Variants in C1QTNF5 observed in about 807,000 individuals in gnomAD.
C1QTNF5 encodes the protein C1q and TNF related 5.
A neutral mutation model predicts 10.9 loss-of-function variants in C1QTNF5; 5 were observed. The ratio of observed to expected loss-of-function variants is 0.46; its 90% CI spans 0.24 to 0.97. C1QTNF5 has a LOEUF of 0.97. Ranked by LOEUF, C1QTNF5 falls within the 50% of genes least tolerant of loss-of-function variation. The pLI is 0.19. For missense variants in C1QTNF5, 281 were observed against 339.4 expected (o/e 0.83, Z 1.35); for synonymous variants, 161 against 156.5 (o/e 1.03, Z -0.22).
chr11:119,345,748 C>CG (rs1950558251), upstream of C1QTNF5: 6 of 1,613,266 alleles, frequency 3.7e-6, no homozygotes, highest in Admixed American at 1.0e-4. Context: ...GCCCTTCTCC[C>CG]GGAAGATCTG....
At chr11:119,346,544 C>T in the C1QTNF5 span, 945,204 of 1,611,446 alleles carry the variant, frequency 0.59, 278,721 homozygotes, top group East Asian at 0.74. Context: ...TTTCTGGAGT[C>T]CCTGTGACAG....
the C1QTNF5 span, chr11:119,346,481 C>CA: frequency 5.6e-6 from 9 of 1,614,140 alleles, no homozygotes; most frequent in Non-Finnish European, 7.6e-6. Context: ...CTGTTGCCTC[C>CA]ATGCAGAGGA....
At chr11:119,344,641 T>C, upstream of C1QTNF5, 1 of 1,613,936 alleles carries the variant, frequency 6.2e-7, no homozygotes, top group South Asian at 1.1e-5. Context: ...CCCGAGAACT[T>C]GGCACTGCAA....
At chr11:119,343,987 C>A (rs1186119462), upstream of C1QTNF5, 1 of 1,609,854 alleles carries the variant, frequency 6.2e-7, no homozygotes, top group Non-Finnish European at 8.5e-7. Context: ...ATAGGTGGAG[C>A]AATTCATGGC....
chr11:119,339,159 C>T lies in C1QTNF5; in HGVS notation c.*172G>A, dbSNP rs1950469443. 2 of 718,058 alleles carry T rather than the reference C, an allele frequency of 2.8e-6. No homozygotes were observed. The highest frequency in any genetic ancestry group is 2.9e-5 in the Admixed American group (1 of 34,226). The allele number at this position is 718,058 out of a possible 1,614,324, so 44.5% of individuals were successfully genotyped here. A position where few individuals can be genotyped will look rare whatever the true frequency, so the allele number is the denominator to read the frequency against. On this transcript the variant is annotated 3_prime_UTR_variant, in exon 3 of 3. Coordinates refer to ENST00000528368, the MANE Select transcript of C1QTNF5 (RefSeq NM_001278431.2). The surrounding 1 kb of genome is among the most constrained non-coding windows in gnomAD (Gnocchi z 5.4). ...ACTGCCCCATGCTGCCAGACCTGAT[C>T]GCAGACAGCCACTGTTCCCATTCCT...
At chr11:119,346,319 G>A in the C1QTNF5 span, 117 of 1,613,994 alleles carry the variant, frequency 7.2e-5, no homozygotes, top group African/African-American at 5.1e-4. Flanking sequence ...TGGGAAAACT[G>A]GGGGAGGGCA....
chr11:119,339,493 C>T lies in C1QTNF5; in HGVS notation c.570G>A (p.Ser190=). ...GCCTCACCATGGCCCCCCCCGAGAG[C>T]GAGGCTGGCTTGGGCCACCCCCCGA... ...QFFGGWPKPA[S]LSGGAMVRLE... is the part of the protein sequence containing the mutation. The change falls in exon 3 of 3, where the codon TCG becomes TCA. Residue 190 remains serine, a synonymous_variant. Transcript: ENST00000528368. The surrounding 1 kb of genome is among the most constrained non-coding windows in gnomAD (Gnocchi z 5.4). 6.2e-7 allele frequency: 1 copy of T among 1,613,884 alleles called. No individual in the cohort carries two copies. Among genetic ancestry groups the T allele is most frequent in the Non-Finnish European group, 8.5e-7 (1 of 1,180,002 alleles).
upstream of C1QTNF5, chr11:119,345,887 G>A (rs751425251): frequency 6.2e-7 from 1 of 1,613,692 alleles, no homozygotes; most frequent in Admixed American, 1.7e-5. Context: ...CCGGCAGGCA[G>A]TGGGCTATGG....
At chr11:119,343,671 T>C (rs1445440916), upstream of C1QTNF5, 1 of 1,027,172 alleles carries the variant, frequency 9.7e-7, no homozygotes, top group Non-Finnish European at 1.5e-6. Flanking sequence ...GAGAGCTGTC[T>C]TTAGGGTGAT....
At chr11:119,340,496 C>A in intron 1 of C1QTNF5, 56 bp from the exon 2 acceptor site, 1 of 1,323,160 alleles carries the variant, frequency 7.6e-7, no homozygotes, top group Non-Finnish European at 1.0e-6. Context: ...CTGCCTCTCT[C>A]CCCACCCCGG....
chr11:119,342,428 G>C (rs1250347768), upstream of C1QTNF5, among the ~76,000 whole-genome samples: 4 of 152,176 alleles, frequency 2.6e-5, no homozygotes, highest in Non-Finnish European at 5.9e-5. Flanking sequence ...GCCACCACCA[G>C]CCGACTGTCT....
At chr11:119,341,897 A>T (rs886047830), upstream of C1QTNF5, 4 of 1,613,452 alleles carry the variant, frequency 2.5e-6, no homozygotes, top group Non-Finnish European at 3.4e-6. Flanking sequence ...CTCCTGGGTG[A>T]TCATGCCCAC....
At chr11:119,343,745 G>T, upstream of C1QTNF5, 1 of 1,585,314 alleles carries the variant, frequency 6.3e-7, no homozygotes. Context: ...AATGTGCTGG[G>T]CCGACATGGA....
chr11:119,346,113 G>A, the C1QTNF5 span: 5 of 1,606,858 alleles, frequency 3.1e-6, no homozygotes, highest in Middle Eastern at 1.7e-4. Flanking sequence ...GGAGGACACA[G>A]AGCCAGGAGA....
upstream of C1QTNF5, chr11:119,341,958 C>T (rs779751512): frequency 3.5e-5 from 56 of 1,613,782 alleles, no homozygotes; most frequent in Non-Finnish European, 4.7e-5. Flanking sequence ...AGGCACATCT[C>T]CACCTGGACA....
At chr11:119,340,054 C>CG in intron 2 of C1QTNF5, 130 bp downstream of exon 2, 14 of 1,288,698 alleles carry the variant, frequency 1.1e-5, no homozygotes, top group Non-Finnish European at 1.4e-5. Flanking sequence ...GCCCCTCCCC[C>CG]GCTCAGGGCT....
upstream of C1QTNF5, chr11:119,343,924 A>T: frequency 6.2e-7 from 1 of 1,613,338 alleles, no homozygotes; most frequent in Non-Finnish European, 8.5e-7. Context: ...CTGTAGTTCT[A>T]TGCTGTGTCC....
At chr11:119,344,348 A>T (rs1444561086), upstream of C1QTNF5, 3 of 1,613,670 alleles carry the variant, frequency 1.9e-6, no homozygotes, top group Admixed American at 3.3e-5. Flanking sequence ...GGTAGCTGGG[A>T]GTAGAGAAAG....
chr11:119,343,969 G>T, upstream of C1QTNF5: 1 of 1,612,138 alleles, frequency 6.2e-7, no homozygotes, highest in Non-Finnish European at 8.5e-7. Flanking sequence ...GCAGAGCTGG[G>T]GGAGGGCATA....
Sources: allele counts gnomAD v4.1 joint callset (sites outside exome capture counted in the v4.1 genomes callset), GRCh38; gene constraint gnomAD v4.1.1; non-coding constraint Gnocchi (gnomAD v3.1); transcripts MANE v1.5; gene names NCBI Gene and HGNC (gene_info 2026-07-23, HGNC 2026-07-21).